Variants in FECH observed in about 807,000 individuals in gnomAD.
FECH encodes ferrochelatase, mitochondrial.
In FECH, 40 loss-of-function variants were observed where a neutral mutation model predicts 56.9. That is an observed-to-expected ratio of 0.70 (90% CI 0.55 to 0.92). FECH has a LOEUF of 0.92. FECH is among the 40% of genes least tolerant of loss of function. The probability of loss-of-function intolerance (pLI) is 0.00; values close to 1 mark genes in which losing one functional copy is unlikely to be tolerated. For synonymous variants in FECH, 175 were observed against 198.6 expected, an observed-to-expected ratio of 0.88 and a Z score of 1.00; for missense variants, 431 against 529.1, an observed-to-expected ratio of 0.81 and a Z score of 1.82.
At chr18:57,584,044 G>A (rs2051326233) in intron 1 of FECH, among the ~76,000 whole-genome samples, 1 of 152,070 alleles carries the variant, frequency 6.6e-6, no homozygotes, top group Non-Finnish European at 1.5e-5. Flanking sequence ...GCCGGGTGTG[G>A]TGGCACCTGC....
intron 1 of FECH, among the ~76,000 whole-genome samples, chr18:57,582,354 G>GT (rs35139309): frequency 0.11 from 17,105 of 152,162 alleles, 1,079 homozygotes; most frequent in Non-Finnish European, 0.15. Context: ...CAATCTGTAA[G>GT]TAAGTATATT....
rs1024366680 is a variant in FECH, at chr18:57,573,189, G to A, written c.314+57C>T. ...TACTGGTTTGAAACTACAGAATTGA[G>A]AGACACATGTCAATGTAGTGCCAAG... On this transcript the variant is annotated intron_variant, in intron 3 of 10. Coordinates refer to ENST00000262093, the MANE Select transcript of FECH (RefSeq NM_000140.5). The A allele has an allele frequency of 3.9e-6, 6 of 1,546,494 alleles. No individual in the cohort carries two copies. In the African/African-American group the frequency reaches 8.1e-5, roughly 21 times the overall value.
intron 2 of FECH, among the ~76,000 whole-genome samples, chr18:57,579,313 G>GTGTGTGTGTATATA (rs531089366): frequency 1.0e-3 from 144 of 143,808 alleles, no homozygotes; most frequent in Middle Eastern, 3.5e-3. Context: ...GTGTGTGTGT[G>GTGTGTGTGTATATA]TATATATTCA....
intron 6 of FECH, among the ~76,000 whole-genome samples, chr18:57,561,027 G>A (rs948508598): frequency 6.6e-6 from 1 of 151,974 alleles, no homozygotes; most frequent in South Asian, 2.1e-4. Context: ...AGATACAAAC[G>A]AAACCAATAT....
intron 7 of FECH, among the ~76,000 whole-genome samples, chr18:57,558,507 C>T (rs1340355665): frequency 6.6e-6 from 1 of 152,236 alleles, no homozygotes; most frequent in Admixed American, 6.5e-5. Context: ...ATGGAGACCC[C>T]CCCACTCAAC....
intron 10 of FECH, 171 bp downstream of exon 10, chr18:57,551,144 G>A: frequency 1.5e-6 from 1 of 655,124 alleles, no homozygotes; most frequent in Non-Finnish European, 2.6e-6. Flanking sequence ...CAGAAAATTG[G>A]GGCTATCTGA....
intron 4 of FECH, 88 bp downstream of exon 4, chr18:57,571,304 G>T: frequency 7.2e-7 from 1 of 1,379,994 alleles, no homozygotes; most frequent in Non-Finnish European, 1.0e-6. Flanking sequence ...CAGTACATAT[G>T]AAGCATTTAG....
intron 3 of FECH, among the ~76,000 whole-genome samples, chr18:57,571,964 A>C (rs2051116924): frequency 6.6e-6 from 1 of 152,262 alleles, no homozygotes; most frequent in South Asian, 2.1e-4. Context: ...ATATAGGAGC[A>C]AAGATGTATG....
At chr18:57,584,488 A>T (rs903191399) in intron 1 of FECH, among the ~76,000 whole-genome samples, 16 of 152,122 alleles carry the variant, frequency 1.1e-4, no homozygotes, top group Non-Finnish European at 2.4e-4. Context: ...CAGAAAAAAA[A>T]GTTCTTAAGT....
At position 57,549,417 on chromosome 18, in the gene FECH, A is replaced by T. The variant is rs1339803397; in HGVS notation, c.*1295T>A. ...AATCTCCTAATACTTCCACTTTATA[A>T]ACTGGCTAAAAAAAAAAAAAAAAAG... On this transcript the variant is annotated 3_prime_UTR_variant, in exon 11 of 11. Coordinates refer to ENST00000262093, the MANE Select transcript of FECH (RefSeq NM_000140.5). The T allele has an allele frequency of 1.3e-5, 1 of 75,770 alleles. No individual in the cohort carries two copies. The highest frequency in any genetic ancestry group is 2.6e-5 in the Non-Finnish European group (1 of 38,742). 4.7% of individuals were successfully genotyped at this position (75,770 alleles called of 1,614,324 possible).
rs1158849624 is a variant in FECH at position 57,562,798 on chromosome 18, C to T, written c.705+76G>A. 11 of 1,156,366 alleles carry T rather than the reference C, an allele frequency of 9.5e-6. No homozygotes were observed. In the African/African-American group the frequency reaches 1.2e-4, roughly 13 times the overall value. The allele number at this position is 1,156,366 out of a possible 1,614,324, so 71.6% of individuals were successfully genotyped here. On this transcript the variant is annotated intron_variant, in intron 6 of 10. Transcript: ENST00000262093. ...GAACAGTAAGGCTCAGAAGGACATC[C>T]ACAAACCCAGAAGGGATGAGAAGCT...
rs372563288 is a variant in FECH, at chr18:57,561,932, T to G, written c.705+942A>C. Among the ~76,000 whole-genome samples, 8 of 152,320 alleles carry G rather than the reference T, an allele frequency of 5.3e-5. No individual in the cohort carries two copies. In the East Asian group the frequency reaches 1.5e-3, roughly 29 times the overall value. ...TAAGCTCCTTCTTTTCAGTTTTTAC[T>G]TAAAATTGGATTTCAACCCAAGTGT... is the stretch of plus-strand genomic sequence containing the variant. On this transcript the variant is annotated intron_variant, in intron 6 of 10. Transcript: ENST00000262093.
intron 1 of FECH, among the ~76,000 whole-genome samples, chr18:57,584,111 C>G (rs1195059644): frequency 6.7e-6 from 1 of 149,840 alleles, no homozygotes; most frequent in Non-Finnish European, 1.5e-5. Flanking sequence ...ACCTGGGAGG[C>G]GGAGGTTGCA....
chr18:57,584,372 C>T (rs1220760878), intron 1 of FECH, among the ~76,000 whole-genome samples: 1 of 148,818 alleles, frequency 6.7e-6, no homozygotes, highest in Non-Finnish European at 1.5e-5. Flanking sequence ...TTCATAATTC[C>T]TGGACAAATC....
chr18:57,564,769 A>G (rs1278867333), intron 5 of FECH, among the ~76,000 whole-genome samples: 1 of 152,234 alleles, frequency 6.6e-6, no homozygotes, highest in African/African-American at 2.4e-5. Context: ...ACAGGTGGAT[A>G]TCATTTTCAT....
intron 2 of FECH, among the ~76,000 whole-genome samples, chr18:57,575,855 T>C (rs551889725): frequency 3.3e-4 from 50 of 152,354 alleles, no homozygotes; most frequent in Middle Eastern, 6.8e-3. Context: ...TATAAGTGGA[T>C]GAGGTAAAAA....
chr18:57,580,272 T>A, intron 1 of FECH, 73 bp from the exon 2 acceptor site: 1 of 1,565,322 alleles, frequency 6.4e-7, no homozygotes, highest in Non-Finnish European at 8.8e-7. Flanking sequence ...CCTCAGAGCA[T>A]AATTCCTGAC....
At chr18:57,558,674 C>G (rs1355584454) in intron 7 of FECH, among the ~76,000 whole-genome samples, 2 of 152,182 alleles carry the variant, frequency 1.3e-5, no homozygotes, top group Non-Finnish European at 2.9e-5. Context: ...AATCCCAGTA[C>G]TTTGGGAGGC....
intron 7 of FECH, among the ~76,000 whole-genome samples, chr18:57,558,695 G>A (rs2050898882): frequency 6.6e-6 from 1 of 152,190 alleles, no homozygotes; most frequent in Admixed American, 6.5e-5. Context: ...CTGGGCGGGT[G>A]GATCACCTAA....
Sources: gnomAD v4.1 joint callset for allele counts (sites outside exome capture counted in the v4.1 genomes callset) on GRCh38, gnomAD v4.1.1 for gene constraint, MANE v1.5 for transcripts, NCBI Gene and HGNC (gene_info 2026-07-23, HGNC 2026-07-21) for gene names.